PPP1R42: variants seen among roughly 807,000 people sequenced by gnomAD.
PPP1R42 encodes the protein protein phosphatase 1 regulatory subunit 42.
A neutral mutation model predicts 31.0 loss-of-function variants in PPP1R42; 34 were observed. That is an observed-to-expected ratio of 1.10 (90% CI 0.83 to 1.46). PPP1R42 has a LOEUF of 1.46. Among genes scored for constraint, PPP1R42 ranks in the 40% most tolerant of loss-of-function variants. The probability of loss-of-function intolerance (pLI) is 0.00; values close to 1 mark genes in which losing one functional copy is unlikely to be tolerated. For synonymous variants in PPP1R42, 103 were observed against 109.8 expected, an observed-to-expected ratio of 0.94 and a Z score of 0.39; for missense variants, 268 against 303.0, an observed-to-expected ratio of 0.88 and a Z score of 0.86.
At chr8:67,023,643 CA>C (rs1370197575) in intron 1 of PPP1R42, among the ~76,000 whole-genome samples, 25 of 152,140 alleles carry the variant, frequency 1.6e-4, no homozygotes, top group African/African-American at 5.8e-4. Flanking sequence ...TACTACTTCC[CA>C]AACCTTTTAT....
chr8:66,988,570 T>G, intron 5 of PPP1R42, 53 bp from the exon 6 acceptor site: 1 of 1,461,206 alleles, frequency 6.8e-7, no homozygotes, highest in Non-Finnish European at 9.3e-7. Context: ...TTACCAATAC[T>G]TCTAGCATGT....
chr8:66,994,832 A>G (rs1815290751), intron 5 of PPP1R42, among the ~76,000 whole-genome samples: 1 of 152,228 alleles, frequency 6.6e-6, no homozygotes, highest in Admixed American at 6.5e-5. Flanking sequence ...ATAGTAAATT[A>G]TCAGCAAAAG....
At chr8:67,000,758 C>G (rs190630044) in intron 5 of PPP1R42, among the ~76,000 whole-genome samples, 2 of 152,254 alleles carry the variant, frequency 1.3e-5, no homozygotes, top group Non-Finnish European at 2.9e-5. Context: ...GCACCCAGCT[C>G]TAAATATTCT....
intron 4 of PPP1R42, among the ~76,000 whole-genome samples, chr8:67,011,352 C>T (rs1815838459): frequency 6.6e-6 from 1 of 152,080 alleles, no homozygotes; most frequent in African/African-American, 2.4e-5. Flanking sequence ...ATGGTGAAAC[C>T]CCATCTCTAC....
At chr8:66,993,833 G>C (rs1008863828) in intron 5 of PPP1R42, among the ~76,000 whole-genome samples, 3 of 150,700 alleles carry the variant, frequency 2.0e-5, no homozygotes, top group Non-Finnish European at 4.4e-5. Flanking sequence ...ATGAATGTAT[G>C]AGAGATGAAT....
intron 6 of PPP1R42, chr8:66,986,026 T>TC: frequency 2.7e-6 from 2 of 749,542 alleles, no homozygotes; most frequent in South Asian, 2.7e-5. Context: ...TCCTACAGCC[T>TC]CAGTTTGTCC....
intron 1 of PPP1R42, 74 bp downstream of exon 1, chr8:67,028,416 AC>A: frequency 2.4e-6 from 2 of 840,242 alleles, no homozygotes; most frequent in African/African-American, 1.8e-5. Context: ...GGAAAGTCTT[AC>A]TGGCAGGCAA....
chr8:66,979,186 T>A (rs2130921003), intron 7 of PPP1R42, among the ~76,000 whole-genome samples: 1 of 152,292 alleles, frequency 6.6e-6, no homozygotes, highest in South Asian at 2.1e-4. Context: ...TAGTTTCAGG[T>A]CTTATATTTA....
intron 7 of PPP1R42, chr8:66,970,897 G>A (rs1382498682): frequency 7.3e-6 from 7 of 962,788 alleles, no homozygotes; most frequent in Non-Finnish European, 1.1e-5. Context: ...CAGATTGGAT[G>A]GCCTCTGTTC....
chr8:66,970,637 C>T (rs1814511742), intron 7 of PPP1R42, among the ~76,000 whole-genome samples: 1 of 152,180 alleles, frequency 6.6e-6, no homozygotes, highest in Non-Finnish European at 1.5e-5. Context: ...GTGGACTAGT[C>T]ATCATCAGCT....
chr8:67,004,305 T>G (rs1430218881), intron 5 of PPP1R42, among the ~76,000 whole-genome samples: 12 of 152,196 alleles, frequency 7.9e-5, no homozygotes, highest in Admixed American at 7.9e-4. Context: ...ATCTTAGACT[T>G]CCCAGCCTCC....
intron 7 of PPP1R42, chr8:66,968,457 C>T (rs1429800567): frequency 1.1e-5 from 11 of 984,724 alleles, no homozygotes; most frequent in Non-Finnish European, 1.3e-5. Flanking sequence ...TGAGCAGGCT[C>T]CCCACCTTGA....
At chr8:67,020,934 G>A (rs1211218493) in intron 1 of PPP1R42, among the ~76,000 whole-genome samples, 1 of 152,200 alleles carries the variant, frequency 6.6e-6, no homozygotes, top group African/African-American at 2.4e-5. Flanking sequence ...CTGGGTGACA[G>A]AGGGAGACTA....
intron 5 of PPP1R42, among the ~76,000 whole-genome samples, chr8:67,010,045 A>G (rs576312628): frequency 6.6e-6 from 1 of 152,344 alleles, no homozygotes; most frequent in African/African-American, 2.4e-5. Context: ...GAAGCCTTCT[A>G]TAGCCCTAGG....
At chr8:66,984,582 T>G (rs913278161) in intron 6 of PPP1R42, 2 of 1,206,372 alleles carry the variant, frequency 1.7e-6, no homozygotes, top group African/African-American at 1.5e-5. Context: ...GTGCTCAAAT[T>G]TCTAACTCCA....
chr8:67,026,628 G>A (rs1363651004), intron 1 of PPP1R42, among the ~76,000 whole-genome samples: 2 of 151,980 alleles, frequency 1.3e-5, no homozygotes, highest in African/African-American at 2.4e-5. Flanking sequence ...TTGAGCCCAG[G>A]AGTTCGAGAC....
rs765511249 is a variant in PPP1R42 at position 67,013,056 on chromosome 8, C to A, written c.337G>T (p.Glu113Ter). The A allele has an allele frequency of 1.2e-6, 2 of 1,610,810 alleles. No homozygotes were observed. Among genetic ancestry groups the A allele is most frequent in the Non-Finnish European group, 1.7e-6 (2 of 1,178,786 alleles). The change falls in exon 4 of 8, where the codon GAA (glutamate) becomes TAA (stop). Residue 113 changes from glutamate (E) to a stop codon, truncating the protein, a stop_gained. Coordinates refer to ENST00000685739, the MANE Select transcript of PPP1R42 (RefSeq NM_001364910.1). LOFTEE classifies it high-confidence loss of function. The stretch of plus-strand genomic sequence containing the variant: ...AGCTCTCTTAGTTCTCCTAATCCTT[C>A]TAAACCTTCTATGACAGCAATGTAA... ...GNYIAVIEGL[E>*]GLGELRELHV...
intron 6 of PPP1R42, among the ~76,000 whole-genome samples, chr8:66,983,704 G>A (rs7835517): frequency 6.6e-6 from 1 of 152,062 alleles, no homozygotes; most frequent in Non-Finnish European, 1.5e-5. Context: ...ACTTAAACAT[G>A]AGCCATAATA....
intron 1 of PPP1R42, among the ~76,000 whole-genome samples, chr8:67,024,829 T>C (rs1455639151): frequency 1.3e-5 from 2 of 152,004 alleles, no homozygotes; most frequent in East Asian, 3.9e-4. Context: ...CCCAGGCTGG[T>C]AGACCTCTAA....
Sources: allele counts gnomAD v4.1 joint callset (sites outside exome capture counted in the v4.1 genomes callset), GRCh38; gene constraint gnomAD v4.1.1; transcripts MANE v1.5; gene names NCBI Gene and HGNC (gene_info 2026-07-23, HGNC 2026-07-21).